The following DNAJB6 variants were observed in gnomAD, a reference collection of about 807,000 sequenced individuals.
DNAJB6 encodes the protein dnaJ homolog subfamily B member 6.
DNAJB6 carries 16 observed loss-of-function variants against 42.7 expected under a neutral mutation model. The ratio of observed to expected loss-of-function variants is 0.37; its 90% CI spans 0.25 to 0.57. DNAJB6 has a LOEUF of 0.57. DNAJB6 is among the 20% of genes least tolerant of loss of function. The pLI is 0.74. For synonymous variants in DNAJB6, 170 were observed against 163.5 expected, an observed-to-expected ratio of 1.04 and a Z score of -0.30; for missense variants, 347 against 416.8, an observed-to-expected ratio of 0.83 and a Z score of 1.46.
In DNAJB6 at chr7:157,366,488, C is replaced by CT. The variant is rs752547897; in HGVS notation, c.176-11dup. On this transcript the variant is annotated splice_polypyrimidine_tract_variant and intron_variant, in intron 3 of 9. Transcript: ENST00000262177. Reference sequence around the variant, plus strand: ...AAGGAACTTGGCCTTACCGACTTTTCTTTCAATTTTTAGCTAAGAAACGGG... The same window carrying CT: ...AAGGAACTTGGCCTTACCGACTTTTCTTTTCAATTTTTAGCTAAGAAACGGG... 1 of 1,613,566 alleles carries CT rather than the reference C, an allele frequency of 6.2e-7. No individual in the cohort carries two copies. Among genetic ancestry groups the CT allele is most frequent in the South Asian group, 1.1e-5 (1 of 90,966 alleles).
intron 8 of DNAJB6, among the ~76,000 whole-genome samples, chr7:157,388,846 G>T (rs1428383856): frequency 2.0e-5 from 3 of 152,070 alleles, no homozygotes; most frequent in Non-Finnish European, 4.4e-5. Flanking sequence ...CACCCCGTTG[G>T]TTTGATTTGA....
At chr7:157,397,892 T>C (rs1801672562) in intron 8 of DNAJB6, among the ~76,000 whole-genome samples, 1 of 152,240 alleles carries the variant, frequency 6.6e-6, no homozygotes. Context: ...GGCCCACGCC[T>C]GTAATCCCAG....
At chr7:157,350,799 C>A (rs1392657738) in intron 1 of DNAJB6, among the ~76,000 whole-genome samples, 1 of 151,814 alleles carries the variant, frequency 6.6e-6, no homozygotes, top group African/African-American at 2.4e-5. Context: ...AAGTGAGTCT[C>A]CTGCCTCAGC....
rs1410955391 is a variant in DNAJB6, at chr7:157,353,892, G to A, written c.-26-4655G>A. ...TTTCCCAGGCTGATCTTGAACTCCT[G>A]GGCTCAAGCAGTCCTCCTGCCTTGG... On this transcript the variant is annotated intron_variant, in intron 1 of 9. Coordinates refer to ENST00000262177, the MANE Select transcript of DNAJB6 (RefSeq NM_058246.4). 2.0e-5 allele frequency among the ~76,000 whole-genome samples: 3 copies of A among 151,964 alleles called. No homozygotes were observed. In the East Asian group the frequency reaches 5.8e-4, roughly 29 times the overall value.
intron 3 of DNAJB6, 78 bp downstream of exon 3, chr7:157,363,348 G>T (rs567599298): frequency 3.2e-6 from 3 of 927,814 alleles, no homozygotes; most frequent in East Asian, 5.2e-5. Flanking sequence ...CCTCCTCAGG[G>T]TAGCACAGTA....
rs926520826 is a variant in DNAJB6, at chr7:157,416,265, C to T, written c.*167C>T. The T allele has an allele frequency of 3.3e-5, 35 of 1,058,218 alleles. No individual in the cohort carries two copies. In the East Asian group the frequency reaches 4.2e-4, roughly 13 times the overall value. 65.6% of individuals were successfully genotyped at this position (1,058,218 alleles called of 1,614,324 possible). On this transcript the variant is annotated 3_prime_UTR_variant, in exon 10 of 10. Transcript: ENST00000262177. ...GATCAGTCAGAGCAGGGTCAGGAGA[C>T]GGGGCTGACGGCACGGGTGGCGGGG...
At position 157,358,566 on chromosome 7, in the gene DNAJB6, G is replaced by A. The variant is rs751502803; in HGVS notation, c.-7G>A. On this transcript the variant is annotated 5_prime_UTR_variant, in exon 2 of 10. Coordinates refer to ENST00000262177, the MANE Select transcript of DNAJB6 (RefSeq NM_058246.4). Reference sequence around the variant, plus strand: ...TTGCAGGACCCATTCCAACAATCTCGTAAAACATGGTGGATTACTATGAAG... The same window carrying A: ...TTGCAGGACCCATTCCAACAATCTCATAAAACATGGTGGATTACTATGAAG... 7 of 1,612,884 alleles carry A rather than the reference G, an allele frequency of 4.3e-6. No homozygotes were observed. The highest frequency in any genetic ancestry group is 4.2e-6 in the Non-Finnish European group (5 of 1,179,126).
Position 157,363,237 on chromosome 7 carries a change from C to G in DNAJB6, c.142C>G (p.Gln48Glu), listed in dbSNP as rs1799691943. The G allele has an allele frequency of 1.9e-6, 3 of 1,611,138 alleles. No individual in the cohort carries two copies. In the South Asian group the frequency reaches 3.3e-5, roughly 18 times the overall value. ...NKEEAERKFK[Q>E]VAEAYEVLSD... ...AGAAGAAGCAGAGAGAAAATTCAAG[C>G]AAGTAGCGGAGGCATATGAAGTGCT... Residue 48 changes from glutamine to glutamate, a missense_variant, in exon 3 of 10, where the codon CAA becomes GAA. Transcript: ENST00000262177.
At chr7:157,361,331 A>G (rs1238652553) in intron 2 of DNAJB6, among the ~76,000 whole-genome samples, 5 of 151,806 alleles carry the variant, frequency 3.3e-5, no homozygotes, top group African/African-American at 9.7e-5. Context: ...GCTAATTTTT[A>G]TATTTTTAAT....
At chr7:157,360,932 A>G (rs1277172757) in intron 2 of DNAJB6, among the ~76,000 whole-genome samples, 2 of 152,198 alleles carry the variant, frequency 1.3e-5, no homozygotes, top group African/African-American at 4.8e-5. Context: ...ACACTTGCAT[A>G]TCGTGTTGTA....
intron 2 of DNAJB6, among the ~76,000 whole-genome samples, chr7:157,359,773 C>T (rs905739856): frequency 6.6e-6 from 1 of 152,146 alleles, no homozygotes; most frequent in Non-Finnish European, 1.5e-5. Context: ...GAGCTATGTT[C>T]GTGCCACTGT....
intron 5 of DNAJB6, among the ~76,000 whole-genome samples, chr7:157,377,326 T>G (rs1407955049): frequency 6.6e-6 from 1 of 152,116 alleles, no homozygotes; most frequent in African/African-American, 2.4e-5. Flanking sequence ...TTGGGCAAGA[T>G]AAAAAATCAG....
At chr7:157,364,921 G>A (rs143953330) in intron 3 of DNAJB6, among the ~76,000 whole-genome samples, 5 of 152,258 alleles carry the variant, frequency 3.3e-5, no homozygotes, top group African/African-American at 4.8e-5. Context: ...TTCTAAGCTC[G>A]TTTTCCCATT....
rs543726770 is a variant in DNAJB6 at position 157,352,301 on chromosome 7, C to T, written c.-26-6246C>T. Among the ~76,000 whole-genome samples, 36 of 151,784 alleles carry T rather than the reference C, an allele frequency of 2.4e-4. 1 individual carries two copies. Among genetic ancestry groups the T allele is most frequent in the East Asian group, 1.7e-3 (9 of 5,172 alleles). ...CCAAAATTGTGCTACTCTACTCTGG[C>T]GACAGAGCAAGACTCTGTCTCAAAA... On this transcript the variant is annotated intron_variant, in intron 1 of 9. Transcript: ENST00000262177.
chr7:157,365,714 G>C (rs1799809688), intron 3 of DNAJB6, among the ~76,000 whole-genome samples: 1 of 152,192 alleles, frequency 6.6e-6, no homozygotes, highest in Non-Finnish European at 1.5e-5. Flanking sequence ...GCCCAGGCTT[G>C]AGTGCAATGG....
At chr7:157,368,680 TC>T (rs144977860) in intron 5 of DNAJB6, 45 of 153,514 alleles carry the variant, frequency 2.9e-4, no homozygotes, top group Non-Finnish European at 5.4e-4. Context: ...CACTGGGACT[TC>T]CTGAGTGGTG....
In DNAJB6 at chr7:157,374,462, T is replaced by G. The variant is rs182133714; in HGVS notation, c.346+6979T>G. 1.8e-4 allele frequency among the ~76,000 whole-genome samples: 27 copies of G among 152,234 alleles called. No homozygotes were observed. In the Middle Eastern group the frequency reaches 0.01, roughly 58 times the overall value. ...TTATGAGAGACAGGGTTTCTTCATG[T>G]TGGTCAGGTTGGTCTCGAACTCCTG... On this transcript the variant is annotated intron_variant, in intron 5 of 9. Coordinates refer to ENST00000262177, the MANE Select transcript of DNAJB6 (RefSeq NM_058246.4).
In DNAJB6 at chr7:157,416,398, C is replaced by CGAGATCTA; in HGVS notation, c.*300_*301insGAGATCTA. 5.3e-6 allele frequency: 2 copies of CGAGATCTA among 380,402 alleles called. No homozygotes were observed. Among genetic ancestry groups the CGAGATCTA allele is most frequent in the Non-Finnish European group, 4.9e-6 (1 of 204,890 alleles). The allele number at this position is 380,402 out of a possible 1,614,324, so 23.6% of individuals were successfully genotyped here. ...CTCTTCATTCTTTTCGGCTACTCAACCACTCCGCATGCTGCTGGAATATTT... is the reference window on the plus strand; with the variant it reads ...CTCTTCATTCTTTTCGGCTACTCAACGAGATCTACACTCCGCATGCTGCTGGAATATTT... On this transcript the variant is annotated 3_prime_UTR_variant, in exon 10 of 10. Coordinates refer to ENST00000262177, the MANE Select transcript of DNAJB6 (RefSeq NM_058246.4).
intron 1 of DNAJB6, among the ~76,000 whole-genome samples, chr7:157,352,417 T>A (rs1167682751): frequency 6.6e-6 from 1 of 152,072 alleles, no homozygotes; most frequent in Non-Finnish European, 1.5e-5. Context: ...CTTTATTTAA[T>A]CATGCAGTGT....
Sources: gnomAD v4.1 joint callset for allele counts (sites outside exome capture counted in the v4.1 genomes callset) on GRCh38, gnomAD v4.1.1 for gene constraint, MANE v1.5 for transcripts, NCBI Gene and HGNC (gene_info 2026-07-23, HGNC 2026-07-21) for gene names.